The following SIGLEC7 variants were observed in gnomAD, a reference collection of about 807,000 sequenced individuals.
The protein encoded by SIGLEC7 is sialic acid binding Ig like lectin 7, also known as sialic acid-binding Ig-like lectin 7.
Under a neutral mutation model 40.8 loss-of-function variants are expected in SIGLEC7, and 33 were observed. That is an observed-to-expected ratio of 0.81 (90% confidence interval 0.61 to 1.08). The LOEUF (loss-of-function observed/expected upper bound fraction) is 1.08, where lower values mean the gene tolerates loss of function less well. Among genes scored for constraint, SIGLEC7 ranks in the 50% least tolerant of loss-of-function variants. The pLI, the probability that SIGLEC7 is intolerant of heterozygous loss-of-function variation, is 0.00. For synonymous variants in SIGLEC7, 242 were observed against 237.6 expected (o/e 1.02, Z -0.17); for missense variants, 513 against 576.1 (o/e 0.89, Z 1.12).
chr19:51,150,167 A>G (rs765326147), intron 6 of SIGLEC7, among the ~76,000 whole-genome samples: 9 of 152,178 alleles, frequency 5.9e-5, no homozygotes, highest in Non-Finnish European at 1.2e-4. Context: ...CTCTGGCCAG[A>G]ATTTCCAATA....
chr19:51,145,059 AC>A lies in SIGLEC7; in HGVS notation c.760+101del. The A allele has an allele frequency of 8.3e-7, 1 of 1,202,946 alleles. No individual in the cohort carries two copies. The highest frequency in any genetic ancestry group is 2.3e-5 in the East Asian group (1 of 42,656). The allele number at this position is 1,202,946 out of a possible 1,614,324, so 74.5% of individuals were successfully genotyped here. A position where few individuals can be genotyped will look rare whatever the true frequency, so the allele number is the denominator to read the frequency against. ...CCTGGACTCACCCTGGTGATATGAG[AC>A]TCCCTTGTAGTTGAACCCAGGCCTC... is the stretch of plus-strand genomic sequence containing the variant. On this transcript the variant is annotated intron_variant, in intron 3 of 6. Coordinates refer to ENST00000317643, the MANE Select transcript of SIGLEC7 (RefSeq NM_014385.4). This position sits in a 1 kb window ranked among gnomAD's most constrained non-coding sequence, Gnocchi z 4.3.
chr19:51,153,281 C>CG lies in SIGLEC7; in HGVS notation c.*37dup, dbSNP rs2092157157. On this transcript the variant is annotated 3_prime_UTR_variant, in exon 7 of 7. Transcript: ENST00000317643. ...AGGCTCGGGCTTGTTTGAGGGTTCA[C>CG]GACCCCTCCAGCAAAGGAGTCTGAG... 6.8e-7 allele frequency: 1 copy of CG among 1,463,086 alleles called. No individual in the cohort carries two copies. Among genetic ancestry groups the CG allele is most frequent in the South Asian group, 1.5e-5 (1 of 66,710 alleles). 90.6% of individuals were successfully genotyped at this position (1,463,086 alleles called of 1,614,324 possible).
Position 51,145,800 on chromosome 19 carries a change from T to G in SIGLEC7, c.761-55T>G. The stretch of plus-strand genomic sequence containing the variant: ...CATTCCCCAGTCTCATTCTGTATCC[T>G]TCCTCCCTGTTTCAATCACTTTGTC... On this transcript the variant is annotated intron_variant, in intron 3 of 6. Transcript: ENST00000317643. This position sits in a 1 kb window ranked among gnomAD's most constrained non-coding sequence, Gnocchi z 4.3. 6.3e-7 allele frequency: 1 copy of G among 1,597,492 alleles called. No homozygotes were observed. Among genetic ancestry groups the G allele is most frequent in the Non-Finnish European group, 8.6e-7 (1 of 1,168,040 alleles).
Position 51,142,949 on chromosome 19 carries a change from G to A in SIGLEC7, c.433+147G>A, listed in dbSNP as rs182052101. On this transcript the variant is annotated intron_variant, in intron 1 of 6. Transcript: ENST00000317643. The surrounding 1 kb of genome is among the most constrained non-coding windows in gnomAD (Gnocchi z 5.0). ...CCAGAGCCTGAGCTTCCCCAGGACC[G>A]CACCTTGGATGCCCCTCCTGATCCT... The A allele has an allele frequency of 5.9e-4, 531 of 906,078 alleles. 1 individual carries two copies. The African/African-American group carries it at 7.6e-3, about 13-fold the overall frequency. The allele number at this position is 906,078 out of a possible 1,614,324, so 56.1% of individuals were successfully genotyped here.
chr19:51,144,306 G>A (rs181509203), intron 1 of SIGLEC7, 100 bp from the exon 2 acceptor site: 17 of 1,512,614 alleles, frequency 1.1e-5, no homozygotes, highest in East Asian at 9.0e-5. Context: ...AGGGTGAAGC[G>A]AGTTGGGCTC....
At chr19:51,147,026 G>A (rs1406068827) in intron 5 of SIGLEC7, 176 bp downstream of exon 5, 1 of 1,014,954 alleles carries the variant, frequency 9.9e-7, no homozygotes, top group African/African-American at 1.6e-5. Flanking sequence ...CTCCACATCT[G>A]TGGTGAACCT....
intron 1 of SIGLEC7, chr19:51,143,895 G>A (rs1030817258): frequency 4.4e-6 from 2 of 457,812 alleles, no homozygotes; most frequent in Non-Finnish European, 8.7e-6. Context: ...GAGGGCTAGT[G>A]CGTCTCTGTG....
At chr19:51,144,874 C>T (rs1190940371) in intron 2 of SIGLEC7, 38 bp from the exon 3 acceptor site, 2 of 1,610,640 alleles carry the variant, frequency 1.2e-6, no homozygotes, top group Admixed American at 1.7e-5. Context: ...GTCCCCAGCC[C>T]TCACAGTGAT....
intron 6 of SIGLEC7, among the ~76,000 whole-genome samples, chr19:51,150,352 C>T (rs182127): frequency 0.86 from 131,108 of 152,232 alleles, 57,254 homozygotes; most frequent in Non-Finnish European, 0.94. Flanking sequence ...GTTTTTAACA[C>T]GAAGCGATGC....
At chr19:51,146,231 T>G (rs1258072649) in intron 4 of SIGLEC7, 110 bp downstream of exon 4, 7 of 1,434,962 alleles carry the variant, frequency 4.9e-6, no homozygotes, top group Non-Finnish European at 6.6e-6. Flanking sequence ...TGCTCAGCTG[T>G]GAGGCCTGGA....
In SIGLEC7 at chr19:51,153,486, A is replaced by T. The variant is rs1322298272; in HGVS notation, c.*241A>T. ...CATTCTCCTCTGTACTTCTCTAAGG[A>T]TGACTACTTTAGATTCCGAATATAG... On this transcript the variant is annotated 3_prime_UTR_variant, in exon 7 of 7. Coordinates refer to ENST00000317643, the MANE Select transcript of SIGLEC7 (RefSeq NM_014385.4). 3.1e-6 allele frequency: 1 copy of T among 317,644 alleles called. No individual in the cohort carries two copies. The highest frequency in any genetic ancestry group is 5.8e-6 in the Non-Finnish European group (1 of 173,740). The allele number at this position is 317,644 out of a possible 1,614,324, so 19.7% of individuals were successfully genotyped here.
chr19:51,146,780 T>C lies in SIGLEC7; in HGVS notation c.1054T>C (p.Leu352=), dbSNP rs756484038. ...TGKMRPVSGV[L]LGAVGGAGAT... ...CAAAATGAGGCCTGTATCAGGAGTG[T>C]TGCTGGGGGCGGTCGGGGGAGCTGG... is the stretch of plus-strand genomic sequence containing the variant. The change falls in exon 5 of 7, where the codon TTG becomes CTG. Residue 352 remains leucine, a synonymous_variant. Transcript: ENST00000317643. The C allele has an allele frequency of 6.2e-7, 1 of 1,613,902 alleles. No homozygotes were observed. The highest frequency in any genetic ancestry group is 1.1e-5 in the South Asian group (1 of 91,058).
At position 51,142,860 on chromosome 19, in the gene SIGLEC7, G is replaced by T; in HGVS notation, c.433+58G>T. 1 of 1,502,040 alleles carries T rather than the reference G, an allele frequency of 6.7e-7. No homozygotes were observed. Among genetic ancestry groups the T allele is most frequent in the South Asian group, 1.3e-5 (1 of 77,170 alleles). The allele number at this position is 1,502,040 out of a possible 1,614,324, so 93.0% of individuals were successfully genotyped here. On this transcript the variant is annotated intron_variant, in intron 1 of 6. Transcript: ENST00000317643. The surrounding 1 kb of genome is among the most constrained non-coding windows in gnomAD (Gnocchi z 5.0). ...AAATGTGATGAGGGCTTTAGGGCAC[G>T]GCTGAGACGGGACACATGTCCTGGG...
intron 1 of SIGLEC7, 171 bp from the exon 2 acceptor site, chr19:51,144,235 G>A (rs1425828272): frequency 2.0e-6 from 2 of 1,000,772 alleles, no homozygotes; most frequent in East Asian, 4.8e-5. Context: ...ACACCACAGG[G>A]AAAGGTCATG....
At chr19:51,152,383 C>T (rs2092149487) in intron 6 of SIGLEC7, among the ~76,000 whole-genome samples, 1 of 152,164 alleles carries the variant, frequency 6.6e-6, no homozygotes, top group Admixed American at 6.6e-5. Flanking sequence ...GTAACAGATT[C>T]ACAGGTTTCA....
rs1019293433 is a variant in SIGLEC7 at position 51,142,887 on chromosome 19, G to A, written c.433+85G>A. On this transcript the variant is annotated intron_variant, in intron 1 of 6. Coordinates refer to ENST00000317643, the MANE Select transcript of SIGLEC7 (RefSeq NM_014385.4). This position sits in a 1 kb window ranked among gnomAD's most constrained non-coding sequence, Gnocchi z 5.0. Reference sequence around the variant, plus strand: ...CTGAGACGGGACACATGTCCTGGGAGGGGGCCGGGGGTGATGGACTCAGGA... The same window carrying A: ...CTGAGACGGGACACATGTCCTGGGAAGGGGCCGGGGGTGATGGACTCAGGA... The A allele has an allele frequency of 1.3e-5, 18 of 1,393,386 alleles. 1 individual carries two copies. The African/African-American group carries it at 2.5e-4, about 19-fold the overall frequency. 86.3% of individuals were successfully genotyped at this position (1,393,386 alleles called of 1,614,324 possible).
At chr19:51,146,232 G>A (rs1377403795) in intron 4 of SIGLEC7, 111 bp downstream of exon 4, 2 of 1,432,732 alleles carry the variant, frequency 1.4e-6, no homozygotes, top group Non-Finnish European at 1.9e-6. Flanking sequence ...GCTCAGCTGT[G>A]AGGCCTGGAA....
At position 51,142,688 on chromosome 19, in the gene SIGLEC7, AC is replaced by A. The variant is rs2092076809; in HGVS notation, c.322del (p.Leu108Ter). 6.2e-7 allele frequency: 1 copy of A among 1,614,038 alleles called. No individual in the cohort carries two copies. The highest frequency in any genetic ancestry group is 1.7e-5 in the Admixed American group (1 of 59,994). ...LLGDPQTKNC[T>X]LSIRDARMSD... is the part of the protein sequence containing the mutation. Reference sequence around the variant, plus strand: ...TGGGGACCCACAGACCAAAAATTGCACCCTGAGCATCAGAGATGCCAGAATG... The same window carrying A: ...TGGGGACCCACAGACCAAAAATTGCACCTGAGCATCAGAGATGCCAGAATG... On this transcript the variant is annotated frameshift_variant, in exon 1 of 7. Coordinates refer to ENST00000317643, the MANE Select transcript of SIGLEC7 (RefSeq NM_014385.4). LOFTEE classifies it high-confidence loss of function. This position sits in a 1 kb window ranked among gnomAD's most constrained non-coding sequence, Gnocchi z 5.0.
chr19:51,148,092 C>T (rs8105252), intron 6 of SIGLEC7, among the ~76,000 whole-genome samples: 2,693 of 152,264 alleles, frequency 0.018, 80 homozygotes, highest in African/African-American at 0.061. Context: ...ACCTCTCTAG[C>T]AGGGCTGGAA....
Sources: gnomAD v4.1 joint callset for allele counts (sites outside exome capture counted in the v4.1 genomes callset) on GRCh38, gnomAD v4.1.1 for gene constraint, Gnocchi (gnomAD v3.1) non-coding constraint, MANE v1.5 for transcripts, NCBI Gene and HGNC (gene_info 2026-07-23, HGNC 2026-07-21) for gene names.